TMEM132D: variants seen among roughly 807,000 people sequenced by gnomAD.
The protein encoded by TMEM132D is transmembrane protein 132D, also known as mature OL transmembrane protein.
A neutral mutation model predicts 62.3 loss-of-function variants in TMEM132D; 21 were observed. That is an observed-to-expected ratio of 0.34 (90% CI 0.24 to 0.49). The LOEUF is 0.49. Ranked by LOEUF, TMEM132D falls within the 20% of genes least tolerant of loss-of-function variation. The pLI is 0.99. For synonymous variants in TMEM132D, 621 were observed against 575.6 expected, an observed-to-expected ratio of 1.08 and a Z score of -1.13; for missense variants, 1,346 against 1,402.8, an observed-to-expected ratio of 0.96 and a Z score of 0.65.
At chr12:129,522,825 A>G (rs1875891162) in intron 3 of TMEM132D, 1 of 152,102 alleles carries the variant, frequency 6.6e-6, no homozygotes, top group South Asian at 2.1e-4. Context: ...AGATATTGGT[A>G]TGGATAAGAT....
intron 4 of TMEM132D, among the ~76,000 whole-genome samples, chr12:129,333,839 G>A (rs1869191217): frequency 6.6e-6 from 1 of 152,190 alleles, no homozygotes; most frequent in South Asian, 2.1e-4. Context: ...AAAAATTATA[G>A]GCCAGGTATG....
At chr12:129,289,728 CAA>C (rs1045440707) in intron 4 of TMEM132D, among the ~76,000 whole-genome samples, 3 of 152,154 alleles carry the variant, frequency 2.0e-5, no homozygotes, top group Non-Finnish European at 2.9e-5. Flanking sequence ...TTAAATATGA[CAA>C]AGTCAGGGGT....
chr12:129,868,347 G>A lies in TMEM132D; in HGVS notation c.79+34914C>T, dbSNP rs573495488. Reference sequence around the variant, plus strand: ...AAGCCAATAACTATATACTTGAAACGGGTACATTTTATGATATGCTAATTA... The same window carrying A: ...AAGCCAATAACTATATACTTGAAACAGGTACATTTTATGATATGCTAATTA... On this transcript the variant is annotated intron_variant, in intron 1 of 8. Transcript: ENST00000422113. Among the ~76,000 whole-genome samples the A allele has an allele frequency of 4.6e-5, 7 of 152,238 alleles. No homozygotes were observed. In the South Asian group the frequency reaches 1.2e-3, roughly 27 times the overall value.
intron 4 of TMEM132D, among the ~76,000 whole-genome samples, chr12:129,317,366 G>T (rs887814509): frequency 2.6e-5 from 4 of 152,144 alleles, no homozygotes; most frequent in Admixed American, 6.6e-5. Flanking sequence ...GCATTTGTTT[G>T]TCTGAAAACG....
intron 4 of TMEM132D, among the ~76,000 whole-genome samples, chr12:129,258,423 T>A (rs958906517): frequency 2.0e-5 from 3 of 152,218 alleles, no homozygotes; most frequent in Admixed American, 6.5e-5. Context: ...TTCCAGTCTA[T>A]GCCTAGAAGT....
At chr12:129,299,608 T>C (rs1403659738) in intron 4 of TMEM132D, among the ~76,000 whole-genome samples, 3 of 148,484 alleles carry the variant, frequency 2.0e-5, no homozygotes, top group African/African-American at 7.5e-5. Flanking sequence ...CTCATCAAAC[T>C]GGACACATTG....
intron 1 of TMEM132D, among the ~76,000 whole-genome samples, chr12:129,842,310 G>A (rs1873223211): frequency 6.6e-6 from 1 of 152,040 alleles, no homozygotes; most frequent in South Asian, 2.1e-4. Flanking sequence ...TTTTCCCAAA[G>A]TGATGGAGAC....
chr12:129,819,281 T>C (rs1489526627), intron 1 of TMEM132D, among the ~76,000 whole-genome samples: 1 of 152,158 alleles, frequency 6.6e-6, no homozygotes. Context: ...AATGGATTCA[T>C]GAGAGGATCA....
chr12:129,152,610 A>G (rs1776876911), intron 5 of TMEM132D, among the ~76,000 whole-genome samples: 1 of 152,176 alleles, frequency 6.6e-6, no homozygotes, highest in Admixed American at 6.5e-5. Context: ...CATTTTGCTC[A>G]CTAGATGGGG....
intron 5 of TMEM132D, among the ~76,000 whole-genome samples, chr12:129,096,137 C>A (rs1220825615): frequency 6.6e-6 from 1 of 152,120 alleles, no homozygotes; most frequent in Non-Finnish European, 1.5e-5. Flanking sequence ...GACAGTAACC[C>A]AGCAAGGTAG....
At chr12:129,555,316 T>C (rs1877023968) in intron 2 of TMEM132D, among the ~76,000 whole-genome samples, 1 of 152,192 alleles carries the variant, frequency 6.6e-6, no homozygotes, top group Admixed American at 6.5e-5. Flanking sequence ...AATGAAAAAG[T>C]AAGTCTGTTT....
At chr12:129,209,725 TATGCCGCCTGC>T in intron 4 of TMEM132D, 62 bp from the exon 5 acceptor site, 1 of 1,593,142 alleles carries the variant, frequency 6.3e-7, no homozygotes, top group South Asian at 1.1e-5. Context: ...TCCCTGGGAG[TATGCCGCCTGC>T]CTTTCCTCAG....
At chr12:129,453,470 TA>T (rs1447399467) in intron 3 of TMEM132D, among the ~76,000 whole-genome samples, 2 of 152,202 alleles carry the variant, frequency 1.3e-5, no homozygotes, top group Non-Finnish European at 2.9e-5. Context: ...ATTTTTATAT[TA>T]TTTGGCTACA....
In TMEM132D at chr12:129,329,058, C is replaced by A. The variant is rs116199622; in HGVS notation, c.1299+8576G>T. Among the ~76,000 whole-genome samples the A allele has an allele frequency of 8.1e-3, 1,210 of 148,990 alleles. 21 individuals carry two copies. Among genetic ancestry groups the A allele is most frequent in the African/African-American group, 0.029 (1,158 of 40,270 alleles). ...AATATATATATATATAAAGAATATA[C>A]TTTCATACGTCTGGAATCAGAAATC... On this transcript the variant is annotated intron_variant, in intron 4 of 8. Coordinates refer to ENST00000422113, the MANE Select transcript of TMEM132D (RefSeq NM_133448.3).
intron 1 of TMEM132D, among the ~76,000 whole-genome samples, chr12:129,846,255 C>G (rs964930491): frequency 6.6e-6 from 1 of 152,184 alleles, no homozygotes; most frequent in Non-Finnish European, 1.5e-5. Flanking sequence ...TTCATTCATT[C>G]CTGCATTTGC....
At chr12:129,902,751 C>G (rs1411363583) in intron 1 of TMEM132D, among the ~76,000 whole-genome samples, 1 of 152,108 alleles carries the variant, frequency 6.6e-6, no homozygotes, top group Admixed American at 6.5e-5. Context: ...AGCCGCCCCC[C>G]AGGCTATATT....
chr12:129,582,706 C>A (rs1029014019), intron 2 of TMEM132D, among the ~76,000 whole-genome samples: 12 of 150,836 alleles, frequency 8.0e-5, no homozygotes, highest in African/African-American at 2.9e-4. Context: ...GCAACCTCCG[C>A]CTCCCGGGTT....
rs1404407311 is a variant in TMEM132D at position 129,077,767 on chromosome 12, AAC to A, written c.2115+765_2115+766del. Reference sequence around the variant, plus strand: ...TACATACAACACACGATACATTCACAACACACATATATACATGCATACAGGTG... The same window carrying A: ...TACATACAACACACGATACATTCACAACACATATATACATGCATACAGGTG... On this transcript the variant is annotated intron_variant, in intron 8 of 8. Transcript: ENST00000422113. Among the ~76,000 whole-genome samples, 23 of 152,276 alleles carry A rather than the reference AAC, an allele frequency of 1.5e-4. No individual in the cohort carries two copies. In the South Asian group the frequency reaches 2.7e-3, roughly 18 times the overall value.
At chr12:129,204,375 A>C (rs940184384) in intron 5 of TMEM132D, among the ~76,000 whole-genome samples, 2 of 152,240 alleles carry the variant, frequency 1.3e-5, no homozygotes, top group Non-Finnish European at 2.9e-5. Flanking sequence ...AGAATTAAAT[A>C]ATGCAATTGC....
Sources: gnomAD v4.1 joint callset for allele counts (sites outside exome capture counted in the v4.1 genomes callset) on GRCh38, gnomAD v4.1.1 for gene constraint, MANE v1.5 for transcripts, NCBI Gene and HGNC (gene_info 2026-07-23, HGNC 2026-07-21) for gene names.